C1orf21: variants seen among roughly 807,000 people sequenced by gnomAD.
The protein encoded by C1orf21 is uncharacterized protein C1orf21.
C1orf21 carries 3 observed loss-of-function variants against 18.7 expected under a neutral mutation model. That is an observed-to-expected ratio of 0.16 (90% confidence interval 0.07 to 0.42). The LOEUF (loss-of-function observed/expected upper bound fraction) is 0.42, where lower values mean the gene tolerates loss of function less well. Among genes scored for constraint, C1orf21 ranks in the 10% least tolerant of loss-of-function variants. C1orf21 has a pLI of 0.99. For synonymous variants in C1orf21, 41 were observed against 46.4 expected (o/e 0.88, Z 0.47); for missense variants, 104 against 143.6 (o/e 0.72, Z 1.41).
At chr1:184,397,859 C>T (rs1656085856) in intron 1 of C1orf21, among the ~76,000 whole-genome samples, 1 of 152,116 alleles carries the variant, frequency 6.6e-6, no homozygotes, top group Admixed American at 6.5e-5. Context: ...GTATTTACAT[C>T]CTACCAGATG....
chr1:184,435,629 C>T (rs1161206621), intron 1 of C1orf21, among the ~76,000 whole-genome samples: 1 of 152,136 alleles, frequency 6.6e-6, no homozygotes, highest in Non-Finnish European at 1.5e-5. Context: ...AGGCATGAGC[C>T]ACTGTGCCTG....
intron 2 of C1orf21, among the ~76,000 whole-genome samples, chr1:184,481,020 G>C (rs1341297696): frequency 3.9e-5 from 6 of 152,080 alleles, no homozygotes; most frequent in African/African-American, 1.4e-4. Flanking sequence ...TTTCTGCCCT[G>C]GAGCTTCAAA....
chr1:184,414,928 T>A (rs1656424856), intron 1 of C1orf21, among the ~76,000 whole-genome samples: 1 of 152,214 alleles, frequency 6.6e-6, no homozygotes. Context: ...TTTGCTTTCA[T>A]GATTTTGTTT....
At chr1:184,404,872 G>A (rs141121086) in intron 1 of C1orf21, among the ~76,000 whole-genome samples, 346 of 152,252 alleles carry the variant, frequency 2.3e-3, no homozygotes, top group Middle Eastern at 0.017. Context: ...GAATTTGATT[G>A]ACTGGGCAGA....
chr1:184,439,223 C>T (rs1009608515), intron 1 of C1orf21, among the ~76,000 whole-genome samples: 1 of 151,824 alleles, frequency 6.6e-6, no homozygotes, highest in Non-Finnish European at 1.5e-5. Context: ...AGAAAAAAAC[C>T]AAAACCAAAA....
At chr1:184,430,727 T>C (rs1656748343) in intron 1 of C1orf21, among the ~76,000 whole-genome samples, 2 of 152,208 alleles carry the variant, frequency 1.3e-5, no homozygotes, top group Admixed American at 1.3e-4. Context: ...AGCCTTGGAA[T>C]ATTTATAACT....
At chr1:184,587,450 C>T (rs996281857) in intron 3 of C1orf21, among the ~76,000 whole-genome samples, 2 of 151,506 alleles carry the variant, frequency 1.3e-5, no homozygotes, top group African/African-American at 4.9e-5. Context: ...TGCGTCATCT[C>T]TCATTTCTTT....
chr1:184,470,925 C>A (rs759897440), intron 1 of C1orf21, among the ~76,000 whole-genome samples: 22 of 151,872 alleles, frequency 1.4e-4, no homozygotes, highest in South Asian at 4.1e-4. Flanking sequence ...CCAGGAATAT[C>A]TGCCATTGCC....
At position 184,516,144 on chromosome 1, in the gene C1orf21, A is replaced by G. The variant is rs760662921; in HGVS notation, c.189+8462A>G. 5.2e-4 allele frequency among the ~76,000 whole-genome samples: 79 copies of G among 152,180 alleles called. 1 individual carries two copies. The highest frequency in any genetic ancestry group is 9.6e-4 in the Non-Finnish European group (65 of 68,024). ...GGTTTTTGATTTACTGTTTCCAGGTATCTATGTATAAATGAAAAGATTGTT... is the reference window on the plus strand; with the variant it reads ...GGTTTTTGATTTACTGTTTCCAGGTGTCTATGTATAAATGAAAAGATTGTT... On this transcript the variant is annotated intron_variant, in intron 3 of 5. Coordinates refer to ENST00000235307, the MANE Select transcript of C1orf21 (RefSeq NM_030806.4).
At chr1:184,513,295 C>G (rs895735142) in intron 3 of C1orf21, among the ~76,000 whole-genome samples, 5 of 152,018 alleles carry the variant, frequency 3.3e-5, no homozygotes, top group Admixed American at 2.6e-4. Context: ...TTTGGTAAAG[C>G]AGAATAACTA....
At chr1:184,405,683 C>T (rs58863963) in intron 1 of C1orf21, among the ~76,000 whole-genome samples, 13,989 of 152,128 alleles carry the variant, frequency 0.092, 1,956 homozygotes, top group African/African-American at 0.3. Context: ...TTGTGACTTC[C>T]CAAAGTTGTT....
intron 1 of C1orf21, among the ~76,000 whole-genome samples, chr1:184,414,095 G>A (rs1656408347): frequency 6.6e-6 from 1 of 152,094 alleles, no homozygotes; most frequent in African/African-American, 2.4e-5. Context: ...ACCTAACACC[G>A]GACCAGAGTT....
intron 2 of C1orf21, among the ~76,000 whole-genome samples, chr1:184,497,650 C>T (rs1400335312): frequency 6.6e-6 from 1 of 152,140 alleles, no homozygotes; most frequent in Non-Finnish European, 1.5e-5. Context: ...TTTAAAAATT[C>T]ATTGGCAGTG....
intron 2 of C1orf21, among the ~76,000 whole-genome samples, chr1:184,493,353 T>G (rs985384169): frequency 6.6e-6 from 1 of 152,212 alleles, no homozygotes; most frequent in Admixed American, 6.5e-5. Context: ...TTTAAAAGTT[T>G]ATGTACATGG....
intron 1 of C1orf21, chr1:184,412,156 A>G (rs1040367383): frequency 6.6e-6 from 1 of 152,316 alleles, no homozygotes; most frequent in East Asian, 1.9e-4. Flanking sequence ...TAAAACAAGG[A>G]TTTTCTTAGG....
intron 1 of C1orf21, among the ~76,000 whole-genome samples, chr1:184,435,851 A>C (rs1265642141): frequency 6.6e-6 from 1 of 152,250 alleles, no homozygotes; most frequent in Non-Finnish European, 1.5e-5. Context: ...AGCATTGGGA[A>C]GGACAAAATC....
At chr1:184,413,513 T>C (rs1237062949) in intron 1 of C1orf21, among the ~76,000 whole-genome samples, 1 of 152,354 alleles carries the variant, frequency 6.6e-6, no homozygotes, top group East Asian at 1.9e-4. Flanking sequence ...AAAATATTTC[T>C]TTCTTGTTTT....
intron 2 of C1orf21, among the ~76,000 whole-genome samples, chr1:184,479,665 G>T (rs189766021): frequency 7.2e-6 from 1 of 139,666 alleles, no homozygotes; most frequent in Non-Finnish European, 1.5e-5. Context: ...TGTGGCCTAG[G>T]CTGGAGTGCA....
chr1:184,506,927 T>C (rs993015706), intron 2 of C1orf21, among the ~76,000 whole-genome samples: 1 of 151,964 alleles, frequency 6.6e-6, no homozygotes, highest in African/African-American at 2.4e-5. Context: ...GTATAATAGC[T>C]CTTCATGCAT....
Sources: gnomAD v4.1 joint callset for allele counts (sites outside exome capture counted in the v4.1 genomes callset) on GRCh38, gnomAD v4.1.1 for gene constraint, MANE v1.5 for transcripts, NCBI Gene and HGNC (gene_info 2026-07-23, HGNC 2026-07-21) for gene names.